LYRM4: variants seen among roughly 807,000 people sequenced by gnomAD.
LYRM4 encodes LYR motif containing 4, also known as LYR motif-containing protein 4.
LYRM4 carries 9 observed loss-of-function variants against 11.7 expected under a neutral mutation model. The observed-to-expected ratio is 0.77, with a 90% confidence interval of 0.46 to 1.34. The LOEUF is 1.34. LYRM4 is among the 40% of genes most tolerant of loss of function. LYRM4 has a pLI of 0.00. For synonymous variants in LYRM4, 42 were observed against 40.4 expected (o/e 1.04, Z -0.15); for missense variants, 133 against 112.5 (o/e 1.18, Z -0.82).
At chr6:5,214,033 C>A (rs375751350) in intron 2 of LYRM4, among the ~76,000 whole-genome samples, 1 of 152,226 alleles carries the variant, frequency 6.6e-6, no homozygotes, top group East Asian at 1.9e-4. Flanking sequence ...TGAACACAGG[C>A]CGGCTGGCCG....
At chr6:5,115,587 C>T (rs754588553) in intron 2 of LYRM4, among the ~76,000 whole-genome samples, 37 of 152,078 alleles carry the variant, frequency 2.4e-4, no homozygotes, top group African/African-American at 5.1e-4. Flanking sequence ...GGTGCCCTCC[C>T]GTAAGGCATG....
intron 1 of LYRM4, among the ~76,000 whole-genome samples, chr6:5,249,360 C>T (rs1764330707): frequency 6.6e-6 from 1 of 152,114 alleles, no homozygotes; most frequent in Non-Finnish European, 1.5e-5. Flanking sequence ...ATCCATTATA[C>T]TGAAAATAAT....
intron 2 of LYRM4, among the ~76,000 whole-genome samples, chr6:5,172,495 T>G (rs1321944995): frequency 6.6e-6 from 1 of 152,124 alleles, no homozygotes; most frequent in Non-Finnish European, 1.5e-5. Flanking sequence ...TACCCTGCTT[T>G]GAAATGTGAG....
rs138789011 is a variant in LYRM4, at chr6:5,202,814, C to T, written c.207+13804G>A. On this transcript the variant is annotated intron_variant, in intron 2 of 2. Transcript: ENST00000330636. ...TTTTGCTTTTTTCATAAGGGTATTC[C>T]ATAAATACAGTGAATGACACAAGCT... Among the ~76,000 whole-genome samples, 117 of 152,204 alleles carry T rather than the reference C, an allele frequency of 7.7e-4. 1 individual carries two copies. The highest frequency in any genetic ancestry group is 2.6e-3 in the African/African-American group (110 of 41,512).
the LYRM4 span, among the ~76,000 whole-genome samples, chr6:5,064,894 C>G: frequency 6.6e-6 from 1 of 151,864 alleles, no homozygotes; most frequent in African/African-American, 2.4e-5. Flanking sequence ...TTATTTTAAA[C>G]TAAAGTCCAT....
the LYRM4 span, among the ~76,000 whole-genome samples, chr6:5,082,618 G>A: frequency 6.6e-6 from 1 of 152,168 alleles, no homozygotes. Context: ...CACAACAATG[G>A]CAACAGCCTC....
At chr6:5,252,226 T>C (rs1198191306) in intron 1 of LYRM4, among the ~76,000 whole-genome samples, 3 of 152,186 alleles carry the variant, frequency 2.0e-5, no homozygotes, top group Non-Finnish European at 2.9e-5. Flanking sequence ...ACAGGATGCA[T>C]GGGTGCAGGA....
intron 1 of LYRM4, among the ~76,000 whole-genome samples, chr6:5,227,919 T>G (rs1762987031): frequency 6.6e-6 from 1 of 151,902 alleles, no homozygotes; most frequent in Non-Finnish European, 1.5e-5. Context: ...CACTCGTAAG[T>G]GGGAGCTGAA....
At chr6:5,040,316 A>AGATAG in the LYRM4 span, among the ~76,000 whole-genome samples, 1 of 124,984 alleles carries the variant, frequency 8.0e-6, no homozygotes, top group African/African-American at 2.9e-5. Flanking sequence ...TATCTCTAAC[A>AGATAG]ATAGATAGAT....
chr6:5,107,512 C>G (rs1762697132), downstream of LYRM4: 1 of 152,266 alleles, frequency 6.6e-6, no homozygotes, highest in Non-Finnish European at 1.5e-5. Context: ...GAGCCAGAGC[C>G]ACACACAGGG....
chr6:5,232,502 GA>G (rs1763300176), intron 1 of LYRM4, among the ~76,000 whole-genome samples: 1 of 152,230 alleles, frequency 6.6e-6, no homozygotes, highest in Non-Finnish European at 1.5e-5. Context: ...GTACCAGGAA[GA>G]ATTTGCTGCA....
chr6:5,235,741 T>A (rs1763502487), intron 1 of LYRM4, among the ~76,000 whole-genome samples: 1 of 152,190 alleles, frequency 6.6e-6, no homozygotes, highest in African/African-American at 2.4e-5. Flanking sequence ...AGAAAAATAA[T>A]CTGGTTGTGT....
chr6:5,206,732 G>GA (rs1561870457), intron 2 of LYRM4, among the ~76,000 whole-genome samples: 1 of 152,160 alleles, frequency 6.6e-6, no homozygotes, highest in Non-Finnish European at 1.5e-5. Context: ...TAGACTGGAT[G>GA]AAATGGAAAT....
intron 1 of LYRM4, among the ~76,000 whole-genome samples, chr6:5,223,655 C>T (rs146521176): frequency 1.3e-3 from 202 of 152,268 alleles, no homozygotes; most frequent in African/African-American, 4.8e-3. Flanking sequence ...AATAGTTCAG[C>T]GCCAAACATG....
downstream of LYRM4, chr6:5,102,832 T>A (rs1197455222): frequency 6.6e-6 from 1 of 152,230 alleles, no homozygotes; most frequent in African/African-American, 2.4e-5. Context: ...TCTTGTCATC[T>A]AATTTCAAGA....
At chr6:5,033,545 A>T in the LYRM4 span, 1 of 151,954 alleles carries the variant, frequency 6.6e-6, no homozygotes, top group African/African-American at 2.4e-5. Flanking sequence ...GAGGACCTCT[A>T]TCCCTGGCTC....
At chr6:5,090,549 G>A in the LYRM4 span, among the ~76,000 whole-genome samples, 1 of 152,212 alleles carries the variant, frequency 6.6e-6, no homozygotes, top group Non-Finnish European at 1.5e-5. The surrounding 1 kb of genome is among the most constrained non-coding windows in gnomAD (Gnocchi z 4.8). Flanking sequence ...GAGCAACTGG[G>A]AATGGGGGTA....
the LYRM4 span, among the ~76,000 whole-genome samples, chr6:5,090,095 C>G: frequency 6.6e-6 from 1 of 151,670 alleles, no homozygotes; most frequent in East Asian, 1.9e-4. This position sits in a 1 kb window ranked among gnomAD's most constrained non-coding sequence, Gnocchi z 4.8. Context: ...TTTTTTGCAG[C>G]AATATTTGCT....
the LYRM4 span, among the ~76,000 whole-genome samples, chr6:5,091,527 T>C: frequency 3.3e-5 from 5 of 152,260 alleles, no homozygotes; most frequent in Non-Finnish European, 5.9e-5. Context: ...CTTTTGAATC[T>C]TTTTGGTAGA....
Sources: allele counts gnomAD v4.1 joint callset (sites outside exome capture counted in the v4.1 genomes callset), GRCh38; gene constraint gnomAD v4.1.1; non-coding constraint Gnocchi (gnomAD v3.1); transcripts MANE v1.5; gene names NCBI Gene and HGNC (gene_info 2026-07-23, HGNC 2026-07-21).